Variants in PSMB1 observed in about 807,000 individuals in gnomAD.
The protein encoded by PSMB1 is proteasome subunit beta type-1.
In PSMB1, 7 loss-of-function variants were observed where a neutral mutation model predicts 25.4. That is an observed-to-expected ratio of 0.28 (90% CI 0.16 to 0.52). PSMB1 has a LOEUF of 0.52. Among genes scored for constraint, PSMB1 ranks in the 20% least tolerant of loss-of-function variants. The pLI is 0.97. For synonymous variants in PSMB1, 119 were observed against 115.0 expected, an observed-to-expected ratio of 1.03 and a Z score of -0.22; for missense variants, 284 against 302.2, an observed-to-expected ratio of 0.94 and a Z score of 0.45.
At chr6:170,538,079 A>G (rs932592807) in intron 4 of PSMB1, among the ~76,000 whole-genome samples, 2 of 152,258 alleles carry the variant, frequency 1.3e-5, no homozygotes, top group Non-Finnish European at 2.9e-5. Flanking sequence ...GTCTGGAAAG[A>G]TAAGTAACTG....
chr6:170,551,179 A>C (rs897093532), intron 1 of PSMB1, among the ~76,000 whole-genome samples: 1 of 152,110 alleles, frequency 6.6e-6, no homozygotes, highest in African/African-American at 2.4e-5. Flanking sequence ...GATGAAGGGG[A>C]ATAATTAGCT....
At chr6:170,537,364 T>C in intron 4 of PSMB1, 24 bp from the exon 5 acceptor site, 2 of 1,558,980 alleles carry the variant, frequency 1.3e-6, no homozygotes, top group Non-Finnish European at 1.8e-6. Context: ...ACAGTATTCA[T>C]AAGGATGGTA....
At chr6:170,539,426 T>C (rs989339281) in intron 4 of PSMB1, among the ~76,000 whole-genome samples, 5 of 151,434 alleles carry the variant, frequency 3.3e-5, no homozygotes, top group African/African-American at 1.2e-4. Context: ...AATGTAGTTC[T>C]TGAAAATCAG....
chr6:170,546,575 CCT>C (rs1778821360), intron 2 of PSMB1, among the ~76,000 whole-genome samples: 1 of 152,202 alleles, frequency 6.6e-6, no homozygotes, highest in African/African-American at 2.4e-5. Context: ...AAGCAATTCC[CCT>C]GCCTCAGCCT....
At chr6:170,550,600 G>C (rs75378087) in intron 1 of PSMB1, among the ~76,000 whole-genome samples, 5,289 of 152,144 alleles carry the variant, frequency 0.035, 312 homozygotes, top group African/African-American at 0.12. Context: ...TTTACAAAGT[G>C]GGGTTTTAGG....
intron 1 of PSMB1, among the ~76,000 whole-genome samples, chr6:170,552,518 TAA>T (rs5881875): frequency 1.0e-4 from 15 of 149,686 alleles, no homozygotes; most frequent in East Asian, 5.8e-4. Flanking sequence ...AGCTAAACGT[TAA>T]AAAAAAAAAG....
At chr6:170,545,562 C>T (rs956075793) in intron 3 of PSMB1, among the ~76,000 whole-genome samples, 35 of 152,246 alleles carry the variant, frequency 2.3e-4, no homozygotes, top group African/African-American at 8.2e-4. Flanking sequence ...ATGTGATCAC[C>T]CCTGACTTCT....
intron 1 of PSMB1, among the ~76,000 whole-genome samples, chr6:170,551,701 A>G (rs1323656503): frequency 6.6e-6 from 1 of 152,236 alleles, no homozygotes; most frequent in Non-Finnish European, 1.5e-5. Context: ...ATAATGGAAA[A>G]GCATCCATAA....
At chr6:170,537,578 A>C (rs1778710672) in intron 4 of PSMB1, among the ~76,000 whole-genome samples, 1 of 152,192 alleles carries the variant, frequency 6.6e-6, no homozygotes, top group South Asian at 2.1e-4. Flanking sequence ...AGACAGCCCC[A>C]ATCCCCGTGT....
Position 170,553,197 on chromosome 6 carries a change from C to T in PSMB1, c.46G>A (p.Gly16Arg). 1 of 1,613,930 alleles carries T rather than the reference C, an allele frequency of 6.2e-7. No homozygotes were observed. Residue 16 changes from glycine (G) to arginine (R), a missense_variant, in exon 1 of 6, where the codon GGG (glycine) becomes AGG (arginine). Physicochemically the swap from Gly to Arg is moderately radical, Grantham distance 125. Transcript: ENST00000262193. ...CCCGCGGCTCTGTGCGGTTCCATCC[C>T]CAAGTCTCTGCCAGGAGCCGAATAC... ...AMYSAPGRDL[G>R]MEPHRAAGPL...
Position 170,549,048 on chromosome 6 carries a change from C to A in PSMB1, c.179G>T (p.Gly60Val). ...GCTATCCCGCGTATGAATTGAAAAC[C>A]CTTCACTCAATCGAGTATCAGAAGC... Reference protein sequence around the residue: ...IVASDTRLSEGFSIHTRDSPK... With the variant: ...IVASDTRLSEVFSIHTRDSPK... Residue 60 changes from glycine to valine, a missense_variant, in exon 2 of 6, where the codon GGG (glycine) becomes GTG (valine). Coordinates refer to ENST00000262193, the MANE Select transcript of PSMB1 (RefSeq NM_002793.4). 1.2e-6 allele frequency: 2 copies of A among 1,613,682 alleles called. No homozygotes were observed. Among genetic ancestry groups the A allele is most frequent in the Non-Finnish European group, 1.7e-6 (2 of 1,179,756 alleles).
In PSMB1 at chr6:170,546,185, C is replaced by T; in HGVS notation, c.222-1G>A. On this transcript the variant is annotated splice_acceptor_variant, in intron 2 of 5. Coordinates refer to ENST00000262193, the MANE Select transcript of PSMB1 (RefSeq NM_002793.4). LOFTEE classifies it high-confidence loss of function. ...GCATCCAATGACTGTTTTGTCTGTT[C>T]TGTAAAAAGCACATTTCAGAAAACT... 1 of 1,613,420 alleles carries T rather than the reference C, an allele frequency of 6.2e-7. No homozygotes were observed. Among genetic ancestry groups the T allele is most frequent in the Non-Finnish European group, 8.5e-7 (1 of 1,179,598 alleles).
intron 4 of PSMB1, among the ~76,000 whole-genome samples, chr6:170,539,653 T>C (rs1383605885): frequency 1.3e-5 from 2 of 152,228 alleles, no homozygotes; most frequent in Non-Finnish European, 2.9e-5. Flanking sequence ...CTCAGGGTAC[T>C]GGCGTATCCT....
At chr6:170,536,627 A>G (rs1346186956) in intron 5 of PSMB1, 11 of 363,770 alleles carry the variant, frequency 3.0e-5, no homozygotes, top group African/African-American at 1.7e-4. Flanking sequence ...TTCTCTTCCT[A>G]TAATTTTCTT....
intron 4 of PSMB1, among the ~76,000 whole-genome samples, chr6:170,542,650 G>A (rs1778770918): frequency 6.6e-6 from 1 of 152,192 alleles, no homozygotes; most frequent in Admixed American, 6.5e-5. Context: ...TCTGCTGAGA[G>A]GACTGCTGCA....
intron 2 of PSMB1, among the ~76,000 whole-genome samples, chr6:170,546,391 C>T (rs1043531154): frequency 1.3e-5 from 2 of 152,210 alleles, no homozygotes; most frequent in South Asian, 2.1e-4. Flanking sequence ...TTTAAAAATG[C>T]GACTATGAAT....
At chr6:170,543,765 G>A (rs1350214655) in intron 3 of PSMB1, 35 bp from the exon 4 acceptor site, 2 of 1,583,550 alleles carry the variant, frequency 1.3e-6, no homozygotes, top group Non-Finnish European at 1.7e-6. Context: ...GGCATGTAGA[G>A]GCAGAGGCCA....
intron 5 of PSMB1, 120 bp from the exon 6 acceptor site, chr6:170,535,525 TA>T: frequency 8.3e-6 from 7 of 839,592 alleles, no homozygotes; most frequent in Non-Finnish European, 1.3e-5. Context: ...TACACAAAAT[TA>T]AAATGTCCTT....
chr6:170,553,020 T>TGA, intron 1 of PSMB1, 110 bp downstream of exon 1: 1 of 935,360 alleles, frequency 1.1e-6, no homozygotes, highest in Admixed American at 2.3e-5. Context: ...CTCAGGGTTC[T>TGA]GAGGCCTGCA....
Sources: allele counts gnomAD v4.1 joint callset (sites outside exome capture counted in the v4.1 genomes callset), GRCh38; gene constraint gnomAD v4.1.1; transcripts MANE v1.5; gene names NCBI Gene and HGNC (gene_info 2026-07-23, HGNC 2026-07-21).